MRAP2: variants seen among roughly 807,000 people sequenced by gnomAD.
MRAP2 encodes the protein melanocortin 2 receptor accessory protein 2.
MRAP2 carries 20 observed loss-of-function variants against 17.4 expected under a neutral mutation model. The ratio of observed to expected loss-of-function variants is 1.15; its 90% CI spans 0.81 to 1.67. MRAP2 has a LOEUF of 1.67. MRAP2 is among the 40% of genes most tolerant of loss of function. The probability of loss-of-function intolerance (pLI) is 0.00; values close to 1 mark genes in which losing one functional copy is unlikely to be tolerated. For missense variants in MRAP2, 238 were observed against 240.0 expected (o/e 0.99, Z 0.05); for synonymous variants, 96 against 88.4 (o/e 1.09, Z -0.48).
At chr6:84,070,895 T>A (rs1431965152) in intron 3 of MRAP2, among the ~76,000 whole-genome samples, 1 of 152,228 alleles carries the variant, frequency 6.6e-6, no homozygotes, top group Non-Finnish European at 1.5e-5. Flanking sequence ...CCTGCTTGTT[T>A]TGGTGTCCAT....
At chr6:84,078,455 T>A (rs560503713) in intron 3 of MRAP2, among the ~76,000 whole-genome samples, 1 of 152,340 alleles carries the variant, frequency 6.6e-6, no homozygotes, top group East Asian at 1.9e-4. Context: ...CCCATTGGAA[T>A]GTCTAACATT....
chr6:84,067,278 T>C (rs2099494989), intron 3 of MRAP2, among the ~76,000 whole-genome samples: 2 of 152,240 alleles, frequency 1.3e-5, no homozygotes, highest in Admixed American at 1.3e-4. Flanking sequence ...ATCCACTTGT[T>C]GATTGATGGG....
At chr6:84,053,458 TG>T (rs758991201) in intron 1 of MRAP2, among the ~76,000 whole-genome samples, 1 of 152,196 alleles carries the variant, frequency 6.6e-6, no homozygotes, top group Non-Finnish European at 1.5e-5. Context: ...AGTAATTTTT[TG>T]TCATAGTTTT....
At chr6:84,059,625 A>G (rs1345604033) in intron 2 of MRAP2, among the ~76,000 whole-genome samples, 1 of 152,158 alleles carries the variant, frequency 6.6e-6, no homozygotes, top group African/African-American at 2.4e-5. Context: ...CATTCATTAA[A>G]GGTTAGGTTA....
Position 84,089,589 on chromosome 6 carries a change from G to C in MRAP2, c.*108G>C. 1 of 1,288,796 alleles carries C rather than the reference G, an allele frequency of 7.8e-7. No homozygotes were observed. Among genetic ancestry groups the C allele is most frequent in the Non-Finnish European group, 1.1e-6 (1 of 931,256 alleles). The allele number at this position is 1,288,796 out of a possible 1,614,324, so 79.8% of individuals were successfully genotyped here. On this transcript the variant is annotated 3_prime_UTR_variant, in exon 4 of 4. Transcript: ENST00000257776. ...TGTGTTTGGGGGAGAGAGAGACATAGAGATAGAGACAGAGAGGCAGAGAAG... is the reference window on the plus strand; with the variant it reads ...TGTGTTTGGGGGAGAGAGAGACATACAGATAGAGACAGAGAGGCAGAGAAG...
Position 84,089,193 on chromosome 6 carries a change from G to A in MRAP2, c.330G>A (p.Glu110=), listed in dbSNP as rs1242286195. 6.2e-7 allele frequency: 1 copy of A among 1,614,064 alleles called. No homozygotes were observed. Among genetic ancestry groups the A allele is most frequent in the African/African-American group, 1.3e-5 (1 of 74,920 alleles). The stretch of plus-strand genomic sequence containing the variant: ...AAGTATTTTCTCGCCAAGGCAACGA[G>A]GAGTCCAGGTCTCTCTTTCACTGCT... ...PDKVFSRQGN[E]ESRSLFHCYI... The change falls in exon 4 of 4, where the codon GAG becomes GAA. Residue 110 remains glutamate (E), a synonymous_variant. Coordinates refer to ENST00000257776, the MANE Select transcript of MRAP2 (RefSeq NM_138409.4).
chr6:84,070,247 C>T (rs1294774417), intron 3 of MRAP2, among the ~76,000 whole-genome samples: 1 of 152,110 alleles, frequency 6.6e-6, no homozygotes, highest in African/African-American at 2.4e-5. Flanking sequence ...GAACTTTCCT[C>T]TTAGCACTGC....
At chr6:84,110,827 T>A in the MRAP2 span, among the ~76,000 whole-genome samples, 19 of 152,126 alleles carry the variant, frequency 1.2e-4, no homozygotes, top group Admixed American at 7.2e-4. Context: ...ATGGCTAGCC[T>A]GTTTTCCCAA....
chr6:84,055,550 T>C (rs2099491498), intron 2 of MRAP2, 105 bp downstream of exon 2: 4 of 1,142,212 alleles, frequency 3.5e-6, no homozygotes, highest in Admixed American at 2.5e-5. Flanking sequence ...TTTACAGAAC[T>C]CTCTGTCCTC....
chr6:84,107,886 C>T, the MRAP2 span, among the ~76,000 whole-genome samples: 2 of 152,242 alleles, frequency 1.3e-5, no homozygotes, highest in Non-Finnish European at 1.5e-5. Context: ...AGAGTCACTA[C>T]TTGGTTAAAG....
chr6:84,135,698 A>G, the MRAP2 span, among the ~76,000 whole-genome samples: 2 of 152,170 alleles, frequency 1.3e-5, no homozygotes, highest in East Asian at 3.8e-4. Context: ...CTCCATCTCT[A>G]CTAAAAACAC....
chr6:84,114,664 T>C, the MRAP2 span, among the ~76,000 whole-genome samples: 1 of 152,208 alleles, frequency 6.6e-6, no homozygotes, highest in Non-Finnish European at 1.5e-5. Flanking sequence ...TTCTGGTTTT[T>C]AGAATTTTCA....
At position 84,089,407 on chromosome 6, in the gene MRAP2, C is replaced by A; in HGVS notation, c.544C>A (p.Leu182Ile). 3 of 1,614,130 alleles carry A rather than the reference C, an allele frequency of 1.9e-6. No homozygotes were observed. Among genetic ancestry groups the A allele is most frequent in the Non-Finnish European group, 2.5e-6 (3 of 1,180,020 alleles). The change falls in exon 4 of 4, where the codon CTT becomes ATT. Residue 182 changes from leucine (L) to isoleucine (I), a missense_variant. By Grantham distance (5) the Leu-to-Ile change is conservative. Transcript: ENST00000257776. ...TDQNYFGEDD[L>I]LISEPPIVLE... ...CCAGAACTACTTTGGGGAGGATGATCTTCTGATTTCTGAACCACCTATTGT... is the reference window on the plus strand; with the variant it reads ...CCAGAACTACTTTGGGGAGGATGATATTCTGATTTCTGAACCACCTATTGT...
In MRAP2 at chr6:84,089,289, C is replaced by A. The variant is rs930077560; in HGVS notation, c.426C>A (p.Val142=). Residue 142 remains valine (V), a synonymous_variant, in exon 4 of 4, where the codon GTC becomes GTA. Transcript: ENST00000257776. ...CHQTTALDSD[V]QLQEAIRSSG... is the part of the protein sequence containing the mutation. ...AGACCACAGCCCTTGACAGTGACGT[C>A]CAACTCCAGGAAGCCATCAGAAGCA... 1.9e-6 allele frequency: 3 copies of A among 1,614,196 alleles called. No individual in the cohort carries two copies. The East Asian group carries it at 6.7e-5, about 36-fold the overall frequency.
At chr6:84,040,344 T>C (rs1483115092) in intron 1 of MRAP2, among the ~76,000 whole-genome samples, 1 of 152,210 alleles carries the variant, frequency 6.6e-6, no homozygotes, top group Non-Finnish European at 1.5e-5. Flanking sequence ...AGGTATGTCT[T>C]TATTGGCAGC....
In MRAP2 at chr6:84,045,122, T is replaced by C. The variant is rs1015417079; in HGVS notation, c.-7-10190T>C. On this transcript the variant is annotated intron_variant, in intron 1 of 3. Coordinates refer to ENST00000257776, the MANE Select transcript of MRAP2 (RefSeq NM_138409.4). ...ATGCAAATACTACACCATTTTATACTAGGGACTTGAGAATCTCTGGATTTT... is the reference window on the plus strand; with the variant it reads ...ATGCAAATACTACACCATTTTATACCAGGGACTTGAGAATCTCTGGATTTT... 15 of 621,786 alleles carry C rather than the reference T, an allele frequency of 2.4e-5. No individual in the cohort carries two copies. In the South Asian group the frequency reaches 1.0e-3, roughly 42 times the overall value. The allele number at this position is 621,786 out of a possible 1,614,324, so 38.5% of individuals were successfully genotyped here. A position where few individuals can be genotyped will look rare whatever the true frequency, so the allele number is the denominator to read the frequency against.
chr6:84,035,469 G>C, intron 1 of MRAP2: 1 of 952,942 alleles, frequency 1.0e-6, no homozygotes, highest in Non-Finnish European at 1.2e-6. Flanking sequence ...TTCAAATGTG[G>C]GCTGTGACTC....
chr6:84,054,167 T>G (rs1462038349), intron 1 of MRAP2, among the ~76,000 whole-genome samples: 1 of 152,198 alleles, frequency 6.6e-6, no homozygotes, highest in Non-Finnish European at 1.5e-5. Context: ...AGATTTTCCC[T>G]TATGTTACTG....
chr6:84,041,357 T>C (rs879677365), intron 1 of MRAP2, among the ~76,000 whole-genome samples: 2 of 152,186 alleles, frequency 1.3e-5, no homozygotes, highest in Non-Finnish European at 2.9e-5. Flanking sequence ...AGAACCTCTG[T>C]TAGGGCAACG....
Sources: gnomAD v4.1 joint callset for allele counts (sites outside exome capture counted in the v4.1 genomes callset) on GRCh38, gnomAD v4.1.1 for gene constraint, MANE v1.5 for transcripts, NCBI Gene and HGNC (gene_info 2026-07-23, HGNC 2026-07-21) for gene names.